Variants in TEX11 observed in about 807,000 individuals in gnomAD.
TEX11 encodes the protein testis-expressed protein 11.
TEX11 carries 7 observed loss-of-function variants against 84.4 expected under a neutral mutation model. The ratio of observed to expected loss-of-function variants is 0.08; its 90% CI spans 0.05 to 0.16. The LOEUF is 0.16. TEX11 is among the 10% of genes least tolerant of loss of function. The pLI, the probability that TEX11 is intolerant of heterozygous loss-of-function variation, is 1.00. For missense variants in TEX11, 551 were observed against 660.5 expected (o/e 0.83, Z 1.82); for synonymous variants, 264 against 222.8 (o/e 1.18, Z -1.64).
intron 9 of TEX11, among the ~76,000 whole-genome samples, chrX:70,765,114 G>A (rs373054324): frequency 4.5e-5 from 5 of 111,518 alleles, no homozygotes; most frequent in Admixed American, 9.6e-5. Flanking sequence ...GGCCGAGTGC[G>A]GTGGCTCACA....
At chrX:70,633,912 G>A (rs2089539663) in intron 17 of TEX11, among the ~76,000 whole-genome samples, 2 of 111,188 alleles carry the variant, frequency 1.8e-5, no homozygotes, top group Admixed American at 9.6e-5. Flanking sequence ...AACAGGTCTC[G>A]AAACAGAACA....
At chrX:70,907,923 T>A (rs1028822796) in intron 1 of TEX11, 113 bp from the exon 2 acceptor site, 1 of 528,846 alleles carries the variant, frequency 1.9e-6, no homozygotes. Flanking sequence ...AAAAAAAGGC[T>A]GAGTAAAGTT....
chrX:70,845,376 G>A (rs896692110), intron 7 of TEX11, among the ~76,000 whole-genome samples: 1 of 109,474 alleles, frequency 9.1e-6, no homozygotes, highest in East Asian at 2.9e-4. Context: ...TGGCCAGGCT[G>A]GTCTTGAACT....
chrX:70,740,723 T>C lies in TEX11; in HGVS notation c.821A>G (p.Asn274Ser), dbSNP rs375896248. 8 of 1,196,318 alleles carry C rather than the reference T, an allele frequency of 6.7e-6. No homozygotes were observed. In the African/African-American group the frequency reaches 1.1e-4, roughly 16 times the overall value. Residue 274 changes from asparagine to serine, a missense_variant, in exon 11 of 30, where the codon AAT becomes AGT. Asn to Ser is a conservative substitution (Grantham distance 46). Transcript: ENST00000374333. ...TACCTTGTTTGCTAGGTTTACAGCATTGAGAGCCTTATCATAATATTTGGT... is the reference window on the plus strand; with the variant it reads ...TACCTTGTTTGCTAGGTTTACAGCACTGAGAGCCTTATCATAATATTTGGT... ...DDTKYYDKAL[N>S]AVNLANKEHL...
intron 7 of TEX11, among the ~76,000 whole-genome samples, chrX:70,844,157 C>T (rs2091464354): frequency 9.1e-6 from 1 of 110,090 alleles, no homozygotes; most frequent in Non-Finnish European, 1.9e-5. Context: ...AAGACACATG[C>T]ACACGTATGT....
At chrX:70,800,097 T>A (rs983306152) in intron 9 of TEX11, among the ~76,000 whole-genome samples, 2 of 111,686 alleles carry the variant, frequency 1.8e-5, no homozygotes, top group Non-Finnish European at 3.8e-5. Context: ...TTTTTTAACA[T>A]TAAATATCTT....
chrX:70,812,659 C>A (rs1210076983), intron 8 of TEX11, among the ~76,000 whole-genome samples: 1 of 110,848 alleles, frequency 9.0e-6, no homozygotes, highest in African/African-American at 3.3e-5. Context: ...AATCCAGGAG[C>A]TGGTTTTTTG....
intron 2 of TEX11, among the ~76,000 whole-genome samples, chrX:70,900,397 A>AGAG (rs1569463733): frequency 1.1e-4 from 11 of 103,719 alleles, no homozygotes; most frequent in Non-Finnish European, 1.6e-4. Flanking sequence ...AAAAAAAAAA[A>AGAG]GAAGAAGAAG....
At chrX:70,710,145 G>A (rs962237123) in intron 13 of TEX11, among the ~76,000 whole-genome samples, 1 of 111,086 alleles carries the variant, frequency 9.0e-6, no homozygotes, top group Non-Finnish European at 1.9e-5. Context: ...GGGGCCTGAC[G>A]CCTTTCACCA....
intron 9 of TEX11, among the ~76,000 whole-genome samples, chrX:70,798,142 T>G (rs189599723): frequency 5.9e-4 from 64 of 108,983 alleles, no homozygotes; most frequent in African/African-American, 2.1e-3. Flanking sequence ...ACTAATAAAT[T>G]CAATAAAGTT....
intron 3 of TEX11, 107 bp downstream of exon 3, chrX:70,879,881 G>A: frequency 1.5e-6 from 1 of 648,720 alleles, no homozygotes. Flanking sequence ...ATTTTTATAT[G>A]TTTAGCAATG....
intron 12 of TEX11, chrX:70,724,336 G>A: frequency 4.4e-6 from 2 of 456,559 alleles, no homozygotes; most frequent in Non-Finnish European, 5.4e-6. Context: ...GAGCTTCTGA[G>A]GTCTCTTAAG....
chrX:70,581,439 T>C (rs1387055944), intron 25 of TEX11, among the ~76,000 whole-genome samples: 1 of 108,515 alleles, frequency 9.2e-6, no homozygotes, highest in African/African-American at 3.4e-5. Context: ...GCTGGGACTA[T>C]AGGCATGTAC....
chrX:70,868,982 T>C (rs1466933837), intron 4 of TEX11, among the ~76,000 whole-genome samples: 1 of 106,675 alleles, frequency 9.4e-6, no homozygotes. Context: ...CCATGGCACA[T>C]GTATACCTAT....
intron 24 of TEX11, among the ~76,000 whole-genome samples, chrX:70,600,265 G>T (rs2089080025): frequency 9.0e-6 from 1 of 111,715 alleles, no homozygotes; most frequent in Non-Finnish European, 1.9e-5. Context: ...TTTCTCTGAT[G>T]GCCAGTGATG....
downstream of TEX11, among the ~76,000 whole-genome samples, chrX:70,525,010 C>A (rs2087809970): frequency 9.0e-6 from 1 of 110,726 alleles, no homozygotes; most frequent in Admixed American, 9.6e-5. Context: ...CTCATCTCTA[C>A]TAAAAATAAT....
chrX:70,578,491 T>G (rs1291275412), intron 25 of TEX11, among the ~76,000 whole-genome samples: 1 of 112,006 alleles, frequency 8.9e-6, no homozygotes, highest in African/African-American at 3.2e-5. Flanking sequence ...ATATCTGGAC[T>G]GGCATATTTC....
intron 17 of TEX11, among the ~76,000 whole-genome samples, chrX:70,632,875 T>C (rs1005876289): frequency 2.7e-5 from 3 of 111,787 alleles, no homozygotes; most frequent in Admixed American, 9.5e-5. Flanking sequence ...CAATAAATAA[T>C]AGATAACTTG....
chrX:70,525,186 C>CAA (rs996473980), downstream of TEX11, among the ~76,000 whole-genome samples: 1 of 109,810 alleles, frequency 9.1e-6, no homozygotes, highest in African/African-American at 3.3e-5. Context: ...GTTTCAAAAA[C>CAA]AAACACAAAA....
Sources: allele counts gnomAD v4.1 joint callset (sites outside exome capture counted in the v4.1 genomes callset), GRCh38; gene constraint gnomAD v4.1.1; transcripts MANE v1.5; gene names NCBI Gene and HGNC (gene_info 2026-07-23, HGNC 2026-07-21).